GRM7: variants seen among roughly 807,000 people sequenced by gnomAD.
GRM7 encodes the protein glutamate metabotropic receptor 7.
In GRM7, 35 loss-of-function variants were observed where a neutral mutation model predicts 84.5. The ratio of observed to expected loss-of-function variants is 0.41; its 90% CI spans 0.32 to 0.55. GRM7 has a LOEUF of 0.55. Ranked by LOEUF, GRM7 falls within the 20% of genes least tolerant of loss-of-function variation. The pLI is 0.19. For synonymous variants in GRM7, 487 were observed against 455.1 expected (o/e 1.07, Z -0.89); for missense variants, 1,003 against 1,194.6 (o/e 0.84, Z 2.36).
At chr3:7,628,642 C>T (rs73810805) in intron 8 of GRM7, among the ~76,000 whole-genome samples, 55 of 152,172 alleles carry the variant, frequency 3.6e-4, no homozygotes, top group African/African-American at 1.2e-3. Context: ...ACGTCTAACT[C>T]AGGTTTGGGA....
intron 1 of GRM7, among the ~76,000 whole-genome samples, chr3:6,974,541 T>C (rs1417369994): frequency 6.6e-6 from 1 of 152,068 alleles, no homozygotes; most frequent in East Asian, 1.9e-4. Context: ...TGCGAGGGTA[T>C]CAGGGAAGGC....
At chr3:6,975,645 C>A (rs1017448832) in intron 1 of GRM7, among the ~76,000 whole-genome samples, 1 of 152,058 alleles carries the variant, frequency 6.6e-6, no homozygotes, top group African/African-American at 2.4e-5. Flanking sequence ...TATGTGCTTA[C>A]GATGCTCTCT....
At chr3:7,114,631 C>A (rs1013613584) in intron 1 of GRM7, among the ~76,000 whole-genome samples, 4 of 152,044 alleles carry the variant, frequency 2.6e-5, no homozygotes, top group African/African-American at 9.7e-5. Flanking sequence ...ATTGAGAAAA[C>A]TTTTTTCCTC....
intron 1 of GRM7, among the ~76,000 whole-genome samples, chr3:6,886,896 GT>G (rs575294276): frequency 2.0e-5 from 3 of 150,470 alleles, no homozygotes; most frequent in Admixed American, 1.3e-4. Context: ...TATCTTCCAA[GT>G]TTTTTTTTCA....
chr3:7,582,803 C>A (rs1280044644), intron 8 of GRM7, among the ~76,000 whole-genome samples: 3 of 152,092 alleles, frequency 2.0e-5, no homozygotes, highest in Middle Eastern at 3.2e-3. Context: ...TTCATGGTCA[C>A]CCCCTGAGGA....
At chr3:7,165,600 G>T (rs1049676937) in intron 2 of GRM7, among the ~76,000 whole-genome samples, 5 of 152,164 alleles carry the variant, frequency 3.3e-5, no homozygotes, top group African/African-American at 1.2e-4. Flanking sequence ...ATTCCAATAG[G>T]GTACACTTAG....
chr3:7,720,625 G>T (rs990287160), intron 9 of GRM7, among the ~76,000 whole-genome samples: 2 of 152,208 alleles, frequency 1.3e-5, no homozygotes, highest in Non-Finnish European at 2.9e-5. Context: ...AGCATTTGCA[G>T]CTTCCTGCAA....
intron 9 of GRM7, among the ~76,000 whole-genome samples, chr3:7,714,886 G>A (rs1365258633): frequency 6.6e-6 from 1 of 152,158 alleles, no homozygotes; most frequent in East Asian, 1.9e-4. Context: ...GTTTGCAGGT[G>A]CAAAATGCTA....
At chr3:7,472,228 T>A (rs1698730482) in intron 7 of GRM7, among the ~76,000 whole-genome samples, 1 of 152,160 alleles carries the variant, frequency 6.6e-6, no homozygotes, top group South Asian at 2.1e-4. Flanking sequence ...TTTCCATATA[T>A]CACAATCATG....
At chr3:7,198,421 T>G (rs902341744) in intron 2 of GRM7, among the ~76,000 whole-genome samples, 8 of 152,200 alleles carry the variant, frequency 5.3e-5, no homozygotes, top group Non-Finnish European at 1.0e-4. Context: ...TAACCTTCTA[T>G]ATCCTGATTC....
At chr3:7,304,677 T>C (rs1304644560) in intron 3 of GRM7, among the ~76,000 whole-genome samples, 2 of 152,114 alleles carry the variant, frequency 1.3e-5, no homozygotes, top group Non-Finnish European at 2.9e-5. Flanking sequence ...TTCTAGAGAA[T>C]TTTCTGCACT....
intron 4 of GRM7, among the ~76,000 whole-genome samples, chr3:7,394,732 T>G (rs1446037649): frequency 1.3e-5 from 2 of 152,144 alleles, no homozygotes; most frequent in Non-Finnish European, 2.9e-5. Flanking sequence ...GACCTGAGTT[T>G]GAATTCATTA....
chr3:7,583,572 C>A (rs563503203), intron 8 of GRM7, among the ~76,000 whole-genome samples: 16 of 152,270 alleles, frequency 1.1e-4, no homozygotes, highest in South Asian at 2.1e-4. Flanking sequence ...ATTCTTGATA[C>A]CTCTTCCCAT....
chr3:7,146,908 G>C (rs1451328961), intron 2 of GRM7, among the ~76,000 whole-genome samples: 1 of 152,124 alleles, frequency 6.6e-6, no homozygotes, highest in East Asian at 1.9e-4. Flanking sequence ...ATGTACTAAA[G>C]TTAATATCTT....
At chr3:7,694,951 G>A (rs1023199468) in intron 9 of GRM7, among the ~76,000 whole-genome samples, 1 of 152,184 alleles carries the variant, frequency 6.6e-6, no homozygotes, top group South Asian at 2.1e-4. Flanking sequence ...GCACATCCAG[G>A]TTTGGGAAAC....
chr3:7,272,794 C>A (rs966586889), intron 2 of GRM7, among the ~76,000 whole-genome samples: 5 of 151,714 alleles, frequency 3.3e-5, no homozygotes, highest in African/African-American at 1.2e-4. Context: ...TTCAAAGAAC[C>A]AGCTCTTGGT....
intron 7 of GRM7, among the ~76,000 whole-genome samples, chr3:7,554,832 A>G (rs975183934): frequency 1.3e-5 from 2 of 152,242 alleles, no homozygotes; most frequent in Non-Finnish European, 2.9e-5. Context: ...CCAGTGGCCC[A>G]TGTCATTACT....
At chr3:7,267,579 C>A (rs763990497) in intron 2 of GRM7, among the ~76,000 whole-genome samples, 1 of 152,082 alleles carries the variant, frequency 6.6e-6, no homozygotes, top group South Asian at 2.1e-4. Flanking sequence ...GCTTGCAGCC[C>A]GGAGTGCCAA....
At chr3:7,165,248 C>T (rs997470539) in intron 2 of GRM7, among the ~76,000 whole-genome samples, 1 of 152,198 alleles carries the variant, frequency 6.6e-6, no homozygotes, top group Non-Finnish European at 1.5e-5. Flanking sequence ...GTGTAGACAC[C>T]TTCAATTATC....
Sources: gnomAD v4.1 joint callset for allele counts (sites outside exome capture counted in the v4.1 genomes callset) on GRCh38, gnomAD v4.1.1 for gene constraint, MANE v1.5 for transcripts, NCBI Gene and HGNC (gene_info 2026-07-23, HGNC 2026-07-21) for gene names.